Variants in TNNI3K observed in about 807,000 individuals in gnomAD.
TNNI3K encodes the protein serine/threonine-protein kinase TNNI3K.
A neutral mutation model predicts 114.5 loss-of-function variants in TNNI3K; 140 were observed. The ratio of observed to expected loss-of-function variants is 1.22; its 90% CI spans 1.07 to 1.41. TNNI3K has a LOEUF of 1.41. Ranked by LOEUF, TNNI3K falls within the 40% of genes most tolerant of loss-of-function variation. The pLI, the probability that TNNI3K is intolerant of heterozygous loss-of-function variation, is 0.00. For missense variants in TNNI3K, 1,125 were observed against 1,007.6 expected (o/e 1.12, Z -1.58); for synonymous variants, 347 against 347.5 (o/e 1.00, Z 0.02).
At chr1:74,254,593 G>T (rs867880267) in intron 4 of TNNI3K, among the ~76,000 whole-genome samples, 1 of 152,064 alleles carries the variant, frequency 6.6e-6, no homozygotes, top group Middle Eastern at 3.2e-3. Context: ...CTCACAAAAT[G>T]AATAATGTAA....
rs116110468 is a variant in TNNI3K at position 74,431,427 on chromosome 1, C to T, written c.1773-4653C>T. On this transcript the variant is annotated intron_variant, in intron 17 of 24. Coordinates refer to ENST00000326637, the MANE Select transcript of TNNI3K (RefSeq NM_015978.3). Reference sequence around the variant, plus strand: ...CCACTTTAAATTTTAGATTATGTACCTTGATCTTTCTTTCAGTTTGCATTT... The same window carrying T: ...CCACTTTAAATTTTAGATTATGTACTTTGATCTTTCTTTCAGTTTGCATTT... 3.0e-3 allele frequency among the ~76,000 whole-genome samples: 455 copies of T among 152,052 alleles called. 4 individuals are homozygous for T. The highest frequency in any genetic ancestry group is 0.01 in the African/African-American group (420 of 41,490).
At chr1:74,282,292 CTA>C (rs1235894122) in intron 5 of TNNI3K, among the ~76,000 whole-genome samples, 1 of 152,074 alleles carries the variant, frequency 6.6e-6, no homozygotes, top group Non-Finnish European at 1.5e-5. Flanking sequence ...TCATGTACAA[CTA>C]TACATTTCTG....
At chr1:74,261,586 CTT>C (rs912401488) in intron 4 of TNNI3K, among the ~76,000 whole-genome samples, 35 of 151,978 alleles carry the variant, frequency 2.3e-4, no homozygotes, top group Non-Finnish European at 5.0e-4. Flanking sequence ...AAACACAAGA[CTT>C]TGGGGAAAAA....
chr1:74,421,293 T>G (rs1665382194), intron 17 of TNNI3K, among the ~76,000 whole-genome samples: 1 of 152,152 alleles, frequency 6.6e-6, no homozygotes, highest in South Asian at 2.1e-4. Flanking sequence ...AAAGGATGAT[T>G]CATGTTTTAA....
chr1:74,326,340 C>T (rs1270712998), intron 5 of TNNI3K, among the ~76,000 whole-genome samples: 2 of 152,038 alleles, frequency 1.3e-5, no homozygotes, highest in Non-Finnish European at 2.9e-5. Context: ...TAACCCTGCC[C>T]AATGACTTCC....
chr1:74,329,721 T>C (rs1271546267), intron 5 of TNNI3K, among the ~76,000 whole-genome samples: 1 of 152,092 alleles, frequency 6.6e-6, no homozygotes, highest in Non-Finnish European at 1.5e-5. Flanking sequence ...TAGTTTCCTA[T>C]TGACACTGAC....
intron 6 of TNNI3K, among the ~76,000 whole-genome samples, chr1:74,332,668 G>A (rs1353524291): frequency 2.6e-5 from 4 of 152,028 alleles, no homozygotes; most frequent in Admixed American, 1.3e-4. Context: ...AGAGTCATGC[G>A]CTATTAATAA....
intron 19 of TNNI3K, among the ~76,000 whole-genome samples, chr1:74,437,857 G>C (rs1259152498): frequency 6.6e-6 from 1 of 151,736 alleles, no homozygotes; most frequent in East Asian, 2.0e-4. Flanking sequence ...ATTGGCCTAA[G>C]ACTGATCTTG....
chr1:74,264,404 T>C (rs1655849297), intron 4 of TNNI3K, among the ~76,000 whole-genome samples: 1 of 151,976 alleles, frequency 6.6e-6, no homozygotes, highest in East Asian at 1.9e-4. Flanking sequence ...ACTAAGTGCA[T>C]TTCATACTGA....
At chr1:74,356,632 T>C (rs1661672702) in intron 11 of TNNI3K, among the ~76,000 whole-genome samples, 1 of 152,202 alleles carries the variant, frequency 6.6e-6, no homozygotes, top group South Asian at 2.1e-4. Context: ...TGCAGCTATC[T>C]CTTCACAGAG....
At chr1:74,311,938 A>G (rs1187433661) in intron 5 of TNNI3K, among the ~76,000 whole-genome samples, 1 of 152,202 alleles carries the variant, frequency 6.6e-6, no homozygotes, top group African/African-American at 2.4e-5. Context: ...TATTTGTATT[A>G]TGCCTCATTA....
intron 5 of TNNI3K, among the ~76,000 whole-genome samples, chr1:74,280,092 G>A (rs920859521): frequency 1.3e-5 from 2 of 152,044 alleles, no homozygotes; most frequent in African/African-American, 4.8e-5. Flanking sequence ...CAAGAAAAGA[G>A]GCACTGAAGG....
intron 2 of TNNI3K, among the ~76,000 whole-genome samples, chr1:74,246,208 G>A (rs886083286): frequency 6.6e-6 from 1 of 152,192 alleles, no homozygotes; most frequent in Non-Finnish European, 1.5e-5. Context: ...TCTTAGAAAT[G>A]TGTGGTCTTT....
chr1:74,349,432 C>CT (rs563750353), intron 9 of TNNI3K, among the ~76,000 whole-genome samples: 2,297 of 152,100 alleles, frequency 0.015, 51 homozygotes, highest in African/African-American at 0.05. Context: ...CTAAAATTCT[C>CT]TTTTTTTGTT....
chr1:74,401,244 G>A (rs888770945), intron 17 of TNNI3K, among the ~76,000 whole-genome samples: 2 of 152,086 alleles, frequency 1.3e-5, no homozygotes, highest in African/African-American at 4.8e-5. Flanking sequence ...ATATATGGTT[G>A]ATTTTCTAGG....
chr1:74,510,743 G>A (rs1189212220), intron 23 of TNNI3K, among the ~76,000 whole-genome samples: 1 of 152,170 alleles, frequency 6.6e-6, no homozygotes, highest in Admixed American at 6.5e-5. Context: ...GCATTGAAAA[G>A]TTCATGGAAT....
At chr1:74,257,689 G>A (rs1422174433) in intron 4 of TNNI3K, among the ~76,000 whole-genome samples, 1 of 55,016 alleles carries the variant, frequency 1.8e-5, no homozygotes, top group Non-Finnish European at 3.7e-5. Context: ...TTTTTTTTGA[G>A]GCGGAGTCTC....
chr1:74,235,408 T>C lies in TNNI3K; in HGVS notation c.-44T>C. ...CACTGCACTTGAACTTGGAATCTTA[T>C]AACTTGAAGAACTGCCCTGGAGAAA... On this transcript the variant is annotated 5_prime_UTR_variant, in exon 1 of 25. Coordinates refer to ENST00000326637, the MANE Select transcript of TNNI3K (RefSeq NM_015978.3). The C allele has an allele frequency of 1.5e-6, 2 of 1,370,262 alleles. No homozygotes were observed. The highest frequency in any genetic ancestry group is 2.0e-6 in the Non-Finnish European group (2 of 985,632). The allele number at this position is 1,370,262 out of a possible 1,614,324, so 84.9% of individuals were successfully genotyped here.
At chr1:74,462,150 A>G (rs1667479965) in intron 20 of TNNI3K, among the ~76,000 whole-genome samples, 1 of 152,240 alleles carries the variant, frequency 6.6e-6, no homozygotes, top group African/African-American at 2.4e-5. Context: ...ACAAGGAAGA[A>G]GTATTAATTT....
Sources: gnomAD v4.1 joint callset for allele counts (sites outside exome capture counted in the v4.1 genomes callset) on GRCh38, gnomAD v4.1.1 for gene constraint, MANE v1.5 for transcripts, NCBI Gene and HGNC (gene_info 2026-07-23, HGNC 2026-07-21) for gene names.